Variants in ABCD3 observed in about 807,000 individuals in gnomAD.
The protein encoded by ABCD3 is ATP binding cassette subfamily D member 3.
ABCD3 carries 41 observed loss-of-function variants against 105.5 expected under a neutral mutation model. That is an observed-to-expected ratio of 0.39 (90% CI 0.30 to 0.50). The LOEUF is 0.50. ABCD3 is among the 20% of genes least tolerant of loss of function. The pLI, the probability that ABCD3 is intolerant of heterozygous loss-of-function variation, is 0.84. For synonymous variants in ABCD3, 258 were observed against 269.0 expected (o/e 0.96, Z 0.40); for missense variants, 622 against 806.3 (o/e 0.77, Z 2.77).
At chr1:94,448,233 A>C (rs141782409) in intron 1 of ABCD3, among the ~76,000 whole-genome samples, 236 of 152,348 alleles carry the variant, frequency 1.5e-3, no homozygotes, top group African/African-American at 5.3e-3. Context: ...GTTAGATTAC[A>C]TGGATATGAT....
chr1:94,462,325 GGCTAGTAATATTATGTACT>G (rs1647917360), intron 2 of ABCD3, among the ~76,000 whole-genome samples: 1 of 152,140 alleles, frequency 6.6e-6, no homozygotes, highest in Non-Finnish European at 1.5e-5. Flanking sequence ...TCTTAGGAAA[GGCTAGTAATATTATGTACT>G]GCCTCTATAG....
chr1:94,478,433 A>G (rs752570974), intron 8 of ABCD3, 118 bp downstream of exon 8: 52 of 1,157,232 alleles, frequency 4.5e-5, no homozygotes, highest in Non-Finnish European at 6.5e-5. Context: ...GTATTTTCAC[A>G]TGATTTACCT....
the ABCD3 span, among the ~76,000 whole-genome samples, chr1:94,401,197 C>G: frequency 1.5e-3 from 226 of 152,326 alleles, 1 homozygote; most frequent in African/African-American, 5.3e-3. Flanking sequence ...AGAACATGAA[C>G]TAATCATTTT....
At chr1:94,443,110 C>T (rs1557664731) in intron 1 of ABCD3, among the ~76,000 whole-genome samples, 1 of 152,168 alleles carries the variant, frequency 6.6e-6, no homozygotes. Context: ...TTTTTCTCCA[C>T]ATCCTTGCCA....
At chr1:94,504,306 C>A (rs150451082) in intron 20 of ABCD3, among the ~76,000 whole-genome samples, 1 of 152,020 alleles carries the variant, frequency 6.6e-6, no homozygotes, top group Non-Finnish European at 1.5e-5. Context: ...TTAGTAGATA[C>A]GAGGTTTCAC....
At chr1:94,483,781 A>G (rs1244733747) in intron 10 of ABCD3, among the ~76,000 whole-genome samples, 1 of 152,176 alleles carries the variant, frequency 6.6e-6, no homozygotes, top group Non-Finnish European at 1.5e-5. Context: ...ACAAAAGCCA[A>G]AATTGACAAA....
intron 1 of ABCD3, among the ~76,000 whole-genome samples, chr1:94,450,124 C>T (rs979408783): frequency 6.6e-6 from 1 of 152,158 alleles, no homozygotes; most frequent in African/African-American, 2.4e-5. Context: ...AGCTAGTAAC[C>T]CATTAAAATG....
At chr1:94,510,950 G>A (rs1650639953) in intron 21 of ABCD3, among the ~76,000 whole-genome samples, 1 of 152,056 alleles carries the variant, frequency 6.6e-6, no homozygotes, top group Non-Finnish European at 1.5e-5. Context: ...TATCCAATTT[G>A]CCAGTCTGTG....
At chr1:94,493,253 A>G (rs1052226080) in intron 16 of ABCD3, among the ~76,000 whole-genome samples, 1 of 152,008 alleles carries the variant, frequency 6.6e-6, no homozygotes, top group Non-Finnish European at 1.5e-5. Context: ...TTTACAAGAA[A>G]AAAACAACCC....
intron 1 of ABCD3, among the ~76,000 whole-genome samples, chr1:94,419,139 A>G (rs1021288316): frequency 6.6e-6 from 1 of 152,128 alleles, no homozygotes; most frequent in Admixed American, 6.5e-5. Flanking sequence ...CTATGAAACT[A>G]TTCCCGGTCC....
chr1:94,418,389 C>T lies in ABCD3; in HGVS notation c.-90C>T, dbSNP rs1659103765. ...GGCCGGCCCCGCCCTCTGCTCTCCT[C>T]CCAGTCTCCCCCGCGCTGCGTGCAG... On this transcript the variant is annotated 5_prime_UTR_variant, in exon 1 of 23. Transcript: ENST00000370214. 3 of 1,191,424 alleles carry T rather than the reference C, an allele frequency of 2.5e-6. No individual in the cohort carries two copies. The highest frequency in any genetic ancestry group is 3.6e-6 in the Non-Finnish European group (3 of 836,128). The allele number at this position is 1,191,424 out of a possible 1,614,324, so 73.8% of individuals were successfully genotyped here.
chr1:94,406,020 T>C, the ABCD3 span, among the ~76,000 whole-genome samples: 1 of 152,294 alleles, frequency 6.6e-6, no homozygotes, highest in African/African-American at 2.4e-5. Flanking sequence ...TACAGAGGTA[T>C]TTACCCATGT....
chr1:94,389,139 GGCCC>G, the ABCD3 span, among the ~76,000 whole-genome samples: 1 of 152,144 alleles, frequency 6.6e-6, no homozygotes, highest in East Asian at 1.9e-4. Context: ...GAATGTAGTA[GGCCC>G]AGATAAAATA....
chr1:94,458,574 G>A (rs984306188), intron 1 of ABCD3, 33 bp from the exon 2 acceptor site: 3 of 1,592,608 alleles, frequency 1.9e-6, no homozygotes, highest in Admixed American at 3.3e-5. Flanking sequence ...TTCACATAAA[G>A]TAAAGCTCTC....
intron 16 of ABCD3, among the ~76,000 whole-genome samples, chr1:94,493,071 GCAA>G (rs920624490): frequency 2.3e-4 from 35 of 151,974 alleles, no homozygotes; most frequent in African/African-American, 8.4e-4. Flanking sequence ...AAAAGCAATG[GCAA>G]CAAAAGCCAA....
intron 1 of ABCD3, among the ~76,000 whole-genome samples, chr1:94,422,848 G>A (rs1341711337): frequency 6.6e-6 from 1 of 152,166 alleles, no homozygotes; most frequent in Non-Finnish European, 1.5e-5. Flanking sequence ...GCAGGGAATG[G>A]TACCAGTCTG....
the ABCD3 span, among the ~76,000 whole-genome samples, chr1:94,392,889 A>G: frequency 1.3e-5 from 2 of 151,444 alleles, no homozygotes; most frequent in East Asian, 2.0e-4. Context: ...TGAGGCAGGC[A>G]GATCACGAGG....
chr1:94,475,546 A>G (rs1434924556), intron 6 of ABCD3, 68 bp from the exon 7 acceptor site: 1 of 1,520,594 alleles, frequency 6.6e-7, no homozygotes, highest in Non-Finnish European at 9.1e-7. Context: ...GTGTAATATG[A>G]TTTTTTTGTT....
At chr1:94,395,472 G>A in the ABCD3 span, among the ~76,000 whole-genome samples, 9 of 152,278 alleles carry the variant, frequency 5.9e-5, no homozygotes, top group South Asian at 2.1e-4. Flanking sequence ...AGCAGGAACC[G>A]TGGCCTTTGG....
Sources: allele counts gnomAD v4.1 joint callset (sites outside exome capture counted in the v4.1 genomes callset), GRCh38; gene constraint gnomAD v4.1.1; transcripts MANE v1.5; gene names NCBI Gene and HGNC (gene_info 2026-07-23, HGNC 2026-07-21).